Variants in PRKAR1B observed in about 807,000 individuals in gnomAD.
PRKAR1B encodes the protein protein kinase cAMP-dependent type I regulatory subunit beta, also known as cAMP-dependent protein kinase type I-beta regulatory subunit.
Under a neutral mutation model 46.5 loss-of-function variants are expected in PRKAR1B, and 22 were observed. The observed-to-expected ratio is 0.47, with a 90% CI of 0.34 to 0.68. PRKAR1B has a LOEUF of 0.68. Among genes scored for constraint, PRKAR1B ranks in the 30% least tolerant of loss-of-function variants. The pLI is 0.01. For synonymous variants in PRKAR1B, 259 were observed against 217.7 expected (o/e 1.19, Z -1.67); for missense variants, 445 against 535.6 (o/e 0.83, Z 1.67).
In PRKAR1B at chr7:685,339, T is replaced by TACAC. The variant is rs1779010127; in HGVS notation, c.178-4614_178-4613insGTGT. Among the ~76,000 whole-genome samples, 3 of 82,320 alleles carry TACAC rather than the reference T, an allele frequency of 3.6e-5. No individual in the cohort carries two copies. The East Asian group carries it at 9.9e-4, about 27-fold the overall frequency. 54.0% of individuals were successfully genotyped at this position (82,320 alleles called of 152,430 possible). On this transcript the variant is annotated intron_variant, in intron 2 of 10. Transcript: ENST00000537384. Reference sequence around the variant, plus strand: ...ATACGTATATATACGTATATATACGTATATATATGTATACATATATATATA... The same window carrying TACAC: ...ATACGTATATATACGTATATATACGTACACATATATATGTATACATATATATATA...
rs1778743807 is a variant in PRKAR1B at position 560,905 on chromosome 7, C to T, written c.892-9435G>A. Among the ~76,000 whole-genome samples, 1 of 152,186 alleles carries T rather than the reference C, an allele frequency of 6.6e-6. No homozygotes were observed. Among genetic ancestry groups the T allele is most frequent in the Admixed American group, 6.5e-5 (1 of 15,282 alleles). ...CACGTTCCTCCCTCCAGTGAGACTC[C>T]TCAGAGCCTGGAAAATTCAGGCTCA... On this transcript the variant is annotated intron_variant, in intron 9 of 10. Coordinates refer to ENST00000537384, the MANE Select transcript of PRKAR1B (RefSeq NM_001164760.2). This position sits in a 1 kb window ranked among gnomAD's most constrained non-coding sequence, Gnocchi z 4.2.
chr7:642,617 T>C (rs1184275489), intron 4 of PRKAR1B, among the ~76,000 whole-genome samples: 1 of 149,128 alleles, frequency 6.7e-6, no homozygotes, highest in Non-Finnish European at 1.5e-5. Flanking sequence ...CCCAGCTACT[T>C]GGGAGGCTGA....
At chr7:642,492 G>A (rs1447409661) in intron 4 of PRKAR1B, among the ~76,000 whole-genome samples, 16 of 152,246 alleles carry the variant, frequency 1.1e-4, no homozygotes, top group African/African-American at 2.4e-4. Context: ...TTGGGGGGCC[G>A]AGGCGGGCGG....
At chr7:605,091 TG>T (rs1781936043) in intron 6 of PRKAR1B, among the ~76,000 whole-genome samples, 1 of 152,180 alleles carries the variant, frequency 6.6e-6, no homozygotes, top group African/African-American at 2.4e-5. Flanking sequence ...TGATGCCCAC[TG>T]GGAAGTGACA....
chr7:728,899 A>G (rs1199759524), upstream of PRKAR1B, among the ~76,000 whole-genome samples: 4 of 152,166 alleles, frequency 2.6e-5, no homozygotes, highest in African/African-American at 9.7e-5. Context: ...GCGCTCACCC[A>G]AAGTCTCACT....
chr7:596,938 G>A (rs1009244117), intron 6 of PRKAR1B, among the ~76,000 whole-genome samples: 5 of 152,374 alleles, frequency 3.3e-5, no homozygotes, highest in East Asian at 3.9e-4. Flanking sequence ...ATGGCTGGGC[G>A]CTGCGGCCGA....
chr7:644,058 G>A lies in PRKAR1B; in HGVS notation c.440+33171C>T, dbSNP rs887715783. Among the ~76,000 whole-genome samples, 3 of 152,058 alleles carry A rather than the reference G, an allele frequency of 2.0e-5. No homozygotes were observed. The highest frequency in any genetic ancestry group is 7.2e-5 in the African/African-American group (3 of 41,382). ...TGCCCAGTGCTACGAAGCTAGGGGC[G>A]GCTGCTACACGGCCCACTACACTAA... On this transcript the variant is annotated intron_variant, in intron 4 of 10. Transcript: ENST00000537384. This position sits in a 1 kb window ranked among gnomAD's most constrained non-coding sequence, Gnocchi z 4.9.
chr7:566,415 TATCACCATCACCACC>T (rs1779143832), intron 9 of PRKAR1B, among the ~76,000 whole-genome samples: 1 of 145,460 alleles, frequency 6.9e-6, no homozygotes, highest in African/African-American at 2.7e-5. Flanking sequence ...CCACCATCAT[TATCACCATCACCACC>T]ATCACCATCA....
Position 680,566 on chromosome 7 carries a change from T to G in PRKAR1B, c.338A>C (p.Tyr113Ser), listed in dbSNP as rs1317893149. 1 of 1,609,598 alleles carries G rather than the reference T, an allele frequency of 6.2e-7. No individual in the cohort carries two copies. Among genetic ancestry groups the G allele is most frequent in the Non-Finnish European group, 8.5e-7 (1 of 1,179,178 alleles). Residue 113 changes from tyrosine to serine, a missense_variant, in exon 3 of 11, where the codon TAC (tyrosine) becomes TCC (serine). Physicochemically the swap from Tyr to Ser is moderately radical, Grantham distance 144. Transcript: ENST00000537384. The stretch of plus-strand genomic sequence containing the variant: ...ACCCGTGAGCCTCACCTTCCTGACG[T>G]AGGACACGGCGTCCTCCTCGGTGTA... The part of the protein sequence containing the change: ...EVYTEEDAVS[Y>S]VRKVIPKDYK...
At chr7:698,550 C>T (rs1182277027) in intron 2 of PRKAR1B, among the ~76,000 whole-genome samples, 1 of 152,016 alleles carries the variant, frequency 6.6e-6, no homozygotes, top group African/African-American at 2.4e-5. Context: ...ACATATCCAA[C>T]TAAGTACATG....
At chr7:656,765 A>T (rs1323857472) in intron 4 of PRKAR1B, among the ~76,000 whole-genome samples, 1 of 152,202 alleles carries the variant, frequency 6.6e-6, no homozygotes, top group Non-Finnish European at 1.5e-5. Context: ...GAATGAATGG[A>T]TAAATGTCTG....
chr7:685,295 CATATATATAT>C lies in PRKAR1B; in HGVS notation c.178-4579_178-4570del. Among the ~76,000 whole-genome samples the C allele has an allele frequency of 1.6e-4, 2 of 12,232 alleles. 1 individual carries two copies. Among genetic ancestry groups the C allele is most frequent in the East Asian group, 5.8e-3 (2 of 342 alleles). The allele number at this position is 12,232 out of a possible 152,430, so 8.0% of individuals were successfully genotyped here. On this transcript the variant is annotated intron_variant, in intron 2 of 10. Coordinates refer to ENST00000537384, the MANE Select transcript of PRKAR1B (RefSeq NM_001164760.2). Reference sequence around the variant, plus strand: ...GTATATATACGTATATATATGTATACATATATATATACGTATATATACGTATATATACGTA... The same window carrying C: ...GTATATATACGTATATATATGTATACACGTATATATACGTATATATACGTA...
chr7:619,256 CA>C (rs1172373974), intron 4 of PRKAR1B, among the ~76,000 whole-genome samples: 5 of 152,344 alleles, frequency 3.3e-5, no homozygotes, highest in Non-Finnish European at 7.3e-5. Flanking sequence ...ACACAGCCCT[CA>C]GGGGGAACCA....
chr7:656,645 G>A (rs1785210753), intron 4 of PRKAR1B, among the ~76,000 whole-genome samples: 1 of 152,010 alleles, frequency 6.6e-6, no homozygotes, highest in Non-Finnish European at 1.5e-5. Context: ...GAATGAATGA[G>A]TGAATGGATG....
At chr7:562,858 C>A (rs1184459933) in intron 9 of PRKAR1B, among the ~76,000 whole-genome samples, 1 of 151,818 alleles carries the variant, frequency 6.6e-6, no homozygotes, top group Non-Finnish European at 1.5e-5. Flanking sequence ...ATGTCCTGAC[C>A]CCAGCTGAGA....
intron 9 of PRKAR1B, 65 bp downstream of exon 9, chr7:579,191 A>T: frequency 1.2e-6 from 2 of 1,611,384 alleles, no homozygotes; most frequent in South Asian, 1.1e-5. Context: ...GTGGAAGAGG[A>T]GAAGGTAAGA....
In PRKAR1B at chr7:714,431, G is replaced by A. The variant is rs1238511652; in HGVS notation, c.-22-2904C>T. Among the ~76,000 whole-genome samples the A allele has an allele frequency of 1.3e-5, 2 of 152,198 alleles. No individual in the cohort carries two copies. The highest frequency in any genetic ancestry group is 2.9e-5 in the Non-Finnish European group (2 of 68,028). On this transcript the variant is annotated intron_variant, in intron 1 of 10. Transcript: ENST00000537384. This position sits in a 1 kb window ranked among gnomAD's most constrained non-coding sequence, Gnocchi z 4.3. ...TGAGACAAGGATCTCCCAGGTTTGG[G>A]GGCTGGCAGCATGCACGTGGCCAGC...
At chr7:552,255 C>G (rs1236061819) in intron 9 of PRKAR1B, among the ~76,000 whole-genome samples, 7 of 106,070 alleles carry the variant, frequency 6.6e-5, no homozygotes, top group South Asian at 3.7e-4. Context: ...CACCTCCCAC[C>G]CAGGTCCTTC....
upstream of PRKAR1B, chr7:727,550 G>C (rs1358035139): frequency 2.3e-5 from 6 of 255,820 alleles, no homozygotes; most frequent in East Asian, 4.1e-4. Flanking sequence ...CGCCACCAAC[G>C]CGCCCTTCAG....
Sources: gnomAD v4.1 joint callset for allele counts (sites outside exome capture counted in the v4.1 genomes callset) on GRCh38, gnomAD v4.1.1 for gene constraint, Gnocchi (gnomAD v3.1) non-coding constraint, MANE v1.5 for transcripts, NCBI Gene and HGNC (gene_info 2026-07-23, HGNC 2026-07-21) for gene names.